ARHGAP44: variants seen among roughly 807,000 people sequenced by gnomAD.
ARHGAP44 encodes the protein rho GTPase-activating protein 44.
Under a neutral mutation model 106.8 loss-of-function variants are expected in ARHGAP44, and 43 were observed. The observed-to-expected ratio is 0.40, with a 90% CI of 0.32 to 0.52. The LOEUF (loss-of-function observed/expected upper bound fraction) is 0.52, where lower values mean the gene tolerates loss of function less well. ARHGAP44 is among the 20% of genes least tolerant of loss of function. ARHGAP44 has a pLI of 0.48. For missense variants in ARHGAP44, 866 were observed against 1,050.5 expected (o/e 0.82, Z 2.43); for synonymous variants, 439 against 410.3 (o/e 1.07, Z -0.85).
rs190228329 is a variant in ARHGAP44 at position 12,941,064 on chromosome 17, C to G, written c.591C>G (p.Leu197=). The G allele has an allele frequency of 2.3e-5, 37 of 1,613,926 alleles. No homozygotes were observed. In the East Asian group the frequency reaches 7.8e-4, roughly 34 times the overall value. Residue 197 remains leucine, a synonymous_variant, in exon 8 of 21, where the codon CTC becomes CTG. Transcript: ENST00000379672. The stretch of plus-strand genomic sequence containing the variant: ...TATTTTACCTTGCACAGGACCAGCT[C>G]TCAGCTGATATGTACAGTTTTGTGG... ...ANRVEICRDQ[L]SADMYSFVAK...
Position 12,943,625 on chromosome 17 carries a change from T to G in ARHGAP44, c.689T>G (p.Leu230Arg). 6.2e-7 allele frequency: 1 copy of G among 1,613,964 alleles called. No individual in the cohort carries two copies. Reference protein sequence around the residue: ...EVQAEYHRKSLTLLQAVLPQI... With the variant: ...EVQAEYHRKSRTLLQAVLPQI... ...CAAGCTGAATACCACAGGAAGTCCC[T>G]GACACTATTGCAGGCTGTATTGCCT... Residue 230 changes from leucine (L) to arginine (R), a missense_variant, in exon 9 of 21, where the codon CTG (leucine) becomes CGG (arginine). Physicochemically the swap from Leu to Arg is moderately radical, Grantham distance 102. This residue lies in a region of ARHGAP44 where 448 missense variants were observed against 646.9 expected (regional missense o/e 0.69). Coordinates refer to ENST00000379672, the MANE Select transcript of ARHGAP44 (RefSeq NM_014859.6).
At chr17:12,863,532 CCTCTCACAAGTG>C (rs1597961969) in intron 1 of ARHGAP44, among the ~76,000 whole-genome samples, 2 of 152,194 alleles carry the variant, frequency 1.3e-5, no homozygotes, top group East Asian at 3.9e-4. Flanking sequence ...TCCCATTTTA[CCTCTCACAAGTG>C]GATAGTTCTA....
intron 16 of ARHGAP44, among the ~76,000 whole-genome samples, chr17:12,965,104 A>T (rs534688914): frequency 7.9e-5 from 12 of 152,196 alleles, no homozygotes; most frequent in African/African-American, 2.6e-4. Flanking sequence ...AAACCCACGG[A>T]TGTCAAGGCC....
intron 1 of ARHGAP44, among the ~76,000 whole-genome samples, chr17:12,878,623 C>T (rs2036628298): frequency 6.6e-6 from 1 of 152,142 alleles, no homozygotes; most frequent in African/African-American, 2.4e-5. Flanking sequence ...ATACTATCAC[C>T]TGTTAGGCCG....
chr17:12,978,586 G>A (rs1446814894), intron 18 of ARHGAP44, among the ~76,000 whole-genome samples: 1 of 151,932 alleles, frequency 6.6e-6, no homozygotes, highest in Non-Finnish European at 1.5e-5. Context: ...GGACGAGAGT[G>A]CTCTATTCCT....
At chr17:12,920,654 C>T (rs1325602827) in intron 6 of ARHGAP44, among the ~76,000 whole-genome samples, 1 of 152,076 alleles carries the variant, frequency 6.6e-6, no homozygotes, top group Non-Finnish European at 1.5e-5. Flanking sequence ...AGGTGAGAGC[C>T]AGGAGGTAGG....
rs143009482 is a variant in ARHGAP44 at position 12,858,956 on chromosome 17, T to TA, written c.54-35983dup. ...ATAAACCATCAGATCTCATGAGACT[T>TA]ACTACCACGAGAACAGTATAGGGAA... On this transcript the variant is annotated intron_variant, in intron 1 of 20. Transcript: ENST00000379672. Among the ~76,000 whole-genome samples, 57 of 152,238 alleles carry TA rather than the reference T, an allele frequency of 3.7e-4. No homozygotes were observed. The East Asian group carries it at 9.1e-3, about 24-fold the overall frequency.
intron 1 of ARHGAP44, among the ~76,000 whole-genome samples, chr17:12,889,965 T>C (rs1425672353): frequency 6.6e-6 from 1 of 152,254 alleles, no homozygotes; most frequent in Non-Finnish European, 1.5e-5. Flanking sequence ...TTACTCCATG[T>C]GTAACTTTTG....
chr17:12,913,757 C>CACG (rs1197321082), intron 4 of ARHGAP44, among the ~76,000 whole-genome samples: 11 of 150,170 alleles, frequency 7.3e-5, no homozygotes, highest in Non-Finnish European at 1.2e-4. Context: ...TACCTGAGGT[C>CACG]CAGAGTTCAA....
intron 1 of ARHGAP44, among the ~76,000 whole-genome samples, chr17:12,850,266 A>G (rs1221494787): frequency 6.6e-6 from 1 of 152,214 alleles, no homozygotes; most frequent in African/African-American, 2.4e-5. Flanking sequence ...CCTGGGGCCA[A>G]GTCAGACTTT....
At position 12,990,140 on chromosome 17, in the gene ARHGAP44, C is replaced by T. The variant is rs1188383525; in HGVS notation, c.2426C>T (p.Ser809Leu). The T allele has an allele frequency of 2.5e-6, 4 of 1,613,380 alleles. No individual in the cohort carries two copies. Among genetic ancestry groups the T allele is most frequent in the African/African-American group, 1.3e-5 (1 of 74,908 alleles). Reference protein sequence around the residue: ...RRHSVTDKRDSEEESESTAL With the variant: ...RRHSVTDKRDLEEESESTAL ...CACTCAGTAACTGACAAGAGGGACT[C>T]GGAGGAGGAGTCTGAGAGCACCGCC... Residue 809 changes from serine to leucine, a missense_variant, in exon 21 of 21, where the codon TCG (serine) becomes TTG (leucine). Physicochemically the swap from Ser to Leu is moderately radical, Grantham distance 145. Around this residue, in one of 2 missense-constraint regions of ARHGAP44, gnomAD observed 418 missense variants for 403.6 expected, o/e 1.04. Transcript: ENST00000379672.
intron 1 of ARHGAP44, among the ~76,000 whole-genome samples, chr17:12,817,255 A>G (rs933444882): frequency 6.6e-6 from 1 of 152,110 alleles, no homozygotes; most frequent in Non-Finnish European, 1.5e-5. Flanking sequence ...TGTGGGGTGC[A>G]TCTAATGATT....
At chr17:12,965,226 G>C (rs149344772) in intron 16 of ARHGAP44, among the ~76,000 whole-genome samples, 385 of 152,280 alleles carry the variant, frequency 2.5e-3, no homozygotes, top group African/African-American at 8.5e-3. Context: ...ATTCTCAGAA[G>C]ACCAACATAC....
intron 1 of ARHGAP44, among the ~76,000 whole-genome samples, chr17:12,890,292 A>T (rs887699851): frequency 5.9e-5 from 9 of 152,144 alleles, no homozygotes; most frequent in African/African-American, 1.9e-4. Context: ...TTTGAAATCT[A>T]GGTGGAGGTA....
At chr17:12,841,594 T>TCTCTCTCACACACACACA (rs1417307080) in intron 1 of ARHGAP44, among the ~76,000 whole-genome samples, 2 of 126,516 alleles carry the variant, frequency 1.6e-5, no homozygotes, top group East Asian at 2.6e-4. Context: ...TGTCTCTCTC[T>TCTCTCTCACACACACACA]CACACACACA....
intron 1 of ARHGAP44, among the ~76,000 whole-genome samples, chr17:12,801,974 G>GC (rs1212998438): frequency 6.6e-6 from 1 of 152,074 alleles, no homozygotes; most frequent in Non-Finnish European, 1.5e-5. Context: ...TAACTTTGGG[G>GC]CCCTAAAAAG....
rs764579990 is a variant in ARHGAP44 at position 12,980,126 on chromosome 17, C to G, written c.1832C>G (p.Thr611Arg). ...GGAAGTCCAGGCTCCAGCCAGGGCACAGCCTGTGCAGGGACTCAACCAGGG... is the reference window on the plus strand; with the variant it reads ...GGAAGTCCAGGCTCCAGCCAGGGCAGAGCCTGTGCAGGGACTCAACCAGGG... ...QKGSPGSSQG[T>R]ACAGTQPGAQ... The change falls in exon 19 of 21, where the codon ACA (threonine) becomes AGA (arginine). Residue 611 changes from threonine (T) to arginine (R), a missense_variant. Thr to Arg is a moderately conservative substitution (Grantham distance 71). Coordinates refer to ENST00000379672, the MANE Select transcript of ARHGAP44 (RefSeq NM_014859.6). 6.2e-7 allele frequency: 1 copy of G among 1,614,002 alleles called. No homozygotes were observed. Among genetic ancestry groups the G allele is most frequent in the South Asian group, 1.1e-5 (1 of 91,086 alleles).
intron 4 of ARHGAP44, among the ~76,000 whole-genome samples, chr17:12,911,846 C>G (rs979194956): frequency 3.3e-5 from 5 of 152,172 alleles, no homozygotes; most frequent in African/African-American, 1.2e-4. Context: ...ATGCAGCCCC[C>G]CAGGACTTTA....
intron 6 of ARHGAP44, among the ~76,000 whole-genome samples, chr17:12,924,387 A>C (rs184872556): frequency 6.6e-6 from 1 of 152,164 alleles, no homozygotes; most frequent in Non-Finnish European, 1.5e-5. Flanking sequence ...ATGATACGCA[A>C]ATTTCTTTTT....
Sources: gnomAD v4.1 joint callset for allele counts (sites outside exome capture counted in the v4.1 genomes callset) on GRCh38, gnomAD v4.1.1 for gene constraint, gnomAD v4.1.1 regional missense constraint, MANE v1.5 for transcripts, NCBI Gene and HGNC (gene_info 2026-07-23, HGNC 2026-07-21) for gene names.